LMO1: variants seen among roughly 807,000 people sequenced by gnomAD.
The protein encoded by LMO1 is LIM domain only 1, also known as rhombotin-1.
In LMO1, 10 loss-of-function variants were observed where a neutral mutation model predicts 18.0. That is an observed-to-expected ratio of 0.55 (90% CI 0.34 to 0.94). The LOEUF (loss-of-function observed/expected upper bound fraction) is 0.94, where lower values mean the gene tolerates loss of function less well. Among genes scored for constraint, LMO1 ranks in the 40% least tolerant of loss-of-function variants. The probability of loss-of-function intolerance (pLI) is 0.02; values close to 1 mark genes in which losing one functional copy is unlikely to be tolerated. For synonymous variants in LMO1, 77 were observed against 77.9 expected (o/e 0.99, Z 0.06); for missense variants, 183 against 205.7 (o/e 0.89, Z 0.68).
At chr11:8,244,690 C>T (rs973517974) in intron 1 of LMO1, among the ~76,000 whole-genome samples, 3 of 152,212 alleles carry the variant, frequency 2.0e-5, no homozygotes, top group Non-Finnish European at 2.9e-5. Flanking sequence ...TCATGTGAGC[C>T]CCCCTCTCAG....
chr11:8,244,661 C>T (rs1416546408), intron 1 of LMO1, among the ~76,000 whole-genome samples: 1 of 152,224 alleles, frequency 6.6e-6, no homozygotes, highest in East Asian at 1.9e-4. Flanking sequence ...TTTATTACCA[C>T]TCGGGCTAAC....
chr11:8,248,067 G>A (rs968610606), intron 1 of LMO1, among the ~76,000 whole-genome samples: 4 of 152,222 alleles, frequency 2.6e-5, no homozygotes, highest in African/African-American at 9.6e-5. Flanking sequence ...AAGTTAAGTG[G>A]TTTGCCCAAT....
At chr11:8,234,622 C>A (rs1222261480) in intron 1 of LMO1, among the ~76,000 whole-genome samples, 1 of 152,168 alleles carries the variant, frequency 6.6e-6, no homozygotes, top group South Asian at 2.1e-4. Context: ...CCAGGTCACT[C>A]CAGGCTCTTC....
In LMO1 at chr11:8,256,039, A is replaced by T. The variant is rs1847091724; in HGVS notation, c.25+7299T>A. ...ACGGGGTTTCACCGTGTTAGCCAGG[A>T]TGGTCTCAATCTCCTGACCTCGTGA... On this transcript the variant is annotated intron_variant, in intron 1 of 3. Transcript: ENST00000335790. Among the ~76,000 whole-genome samples the T allele has an allele frequency of 3.3e-5, 5 of 152,036 alleles. No individual in the cohort carries two copies. The South Asian group carries it at 1.0e-3, about 32-fold the overall frequency.
chr11:8,253,444 T>C (rs1590557469), intron 1 of LMO1, among the ~76,000 whole-genome samples: 1 of 152,288 alleles, frequency 6.6e-6, no homozygotes, highest in East Asian at 1.9e-4. Context: ...CTTGGAATTA[T>C]TATTAGAATT....
chr11:8,246,828 T>C (rs912624786), intron 1 of LMO1, among the ~76,000 whole-genome samples: 3 of 151,380 alleles, frequency 2.0e-5, no homozygotes, highest in Non-Finnish European at 4.4e-5. Flanking sequence ...AGCTAGAAGC[T>C]GCCAGGTGGG....
intron 1 of LMO1, among the ~76,000 whole-genome samples, chr11:8,246,253 A>G (rs1298680967): frequency 6.6e-6 from 1 of 152,362 alleles, no homozygotes; most frequent in East Asian, 1.9e-4. Flanking sequence ...CGTTCCTAGC[A>G]GCATTACTCA....
At chr11:8,234,553 AC>A (rs1209871269) in intron 1 of LMO1, among the ~76,000 whole-genome samples, 4 of 151,958 alleles carry the variant, frequency 2.6e-5, no homozygotes, top group Non-Finnish European at 4.4e-5. Context: ...GGGGATGCTT[AC>A]CCCAGTGAGC....
At chr11:8,242,505 A>G (rs2134552275) in intron 1 of LMO1, among the ~76,000 whole-genome samples, 1 of 152,284 alleles carries the variant, frequency 6.6e-6, no homozygotes, top group Admixed American at 6.5e-5. Flanking sequence ...GGAGTTTGCT[A>G]CAGAAAAGCC....
intron 1 of LMO1, among the ~76,000 whole-genome samples, chr11:8,240,138 C>T (rs1846759792): frequency 6.6e-6 from 1 of 152,210 alleles, no homozygotes; most frequent in Non-Finnish European, 1.5e-5. Flanking sequence ...CTGGACCCTA[C>T]CAAAAGAAGA....
At chr11:8,255,818 CTTTTTTTT>C (rs57425549) in intron 1 of LMO1, among the ~76,000 whole-genome samples, 1 of 86,344 alleles carries the variant, frequency 1.2e-5, no homozygotes, top group Non-Finnish European at 2.0e-5. Flanking sequence ...CAATGCCGCA[CTTTTTTTT>C]TTTTTTTTTT....
chr11:8,254,727 C>T (rs903360064), intron 1 of LMO1, among the ~76,000 whole-genome samples: 2 of 151,832 alleles, frequency 1.3e-5, no homozygotes, highest in Admixed American at 6.6e-5. Context: ...CTCACAGGTT[C>T]GTCACCCTTC....
intron 1 of LMO1, among the ~76,000 whole-genome samples, chr11:8,249,896 C>T (rs143591711): frequency 0.025 from 3,842 of 152,278 alleles, 79 homozygotes; most frequent in Admixed American, 0.034. Flanking sequence ...CAGGGGCTAG[C>T]CCTTAACATC....
chr11:8,246,053 C>T (rs997231784), intron 1 of LMO1, among the ~76,000 whole-genome samples: 2 of 152,176 alleles, frequency 1.3e-5, no homozygotes, highest in African/African-American at 4.8e-5. Flanking sequence ...AGTGCTAAGC[C>T]ATTCATGAGG....
intron 1 of LMO1, among the ~76,000 whole-genome samples, chr11:8,231,656 G>A (rs1353252939): frequency 6.6e-6 from 1 of 152,124 alleles, no homozygotes; most frequent in African/African-American, 2.4e-5. Flanking sequence ...CAGCTGGATA[G>A]GGGCCCACCC....
Position 8,228,789 on chromosome 11 carries a change from G to T in LMO1, c.239+1502C>A, listed in dbSNP as rs188356771. ...GTCCTGTGAACCCATCAGATGGTCT[G>T]CCACATCGTCCTAACCTGGTAGAGT... is the stretch of plus-strand genomic sequence containing the variant. On this transcript the variant is annotated intron_variant, in intron 2 of 3. Transcript: ENST00000335790. Among the ~76,000 whole-genome samples, 15 of 152,120 alleles carry T rather than the reference G, an allele frequency of 9.9e-5. No homozygotes were observed. In the East Asian group the frequency reaches 2.7e-3, roughly 27 times the overall value.
chr11:8,257,743 G>A (rs1331254806), intron 1 of LMO1, among the ~76,000 whole-genome samples: 1 of 152,230 alleles, frequency 6.6e-6, no homozygotes, highest in Non-Finnish European at 1.5e-5. Context: ...TTGGTGATCT[G>A]GACGTGGGCG....
intron 1 of LMO1, among the ~76,000 whole-genome samples, chr11:8,256,407 C>T (rs896327392): frequency 5.3e-5 from 8 of 152,116 alleles, no homozygotes; most frequent in Admixed American, 2.6e-4. Context: ...ATCATGCTAG[C>T]GGACTACACC....
In LMO1 at chr11:8,227,003, A is replaced by T. The variant is rs545052932; in HGVS notation, c.337T>A (p.Cys113Ser). 1 of 1,613,576 alleles carries T rather than the reference A, an allele frequency of 6.2e-7. No individual in the cohort carries two copies. The highest frequency in any genetic ancestry group is 2.2e-5 in the East Asian group (1 of 44,884). The change falls in exon 3 of 4, where the codon TGC becomes AGC. Residue 113 changes from cysteine to serine, a missense_variant. By Grantham distance (112) the Cys-to-Ser change is moderately radical (BLOSUM62 -1). Coordinates refer to ENST00000335790, the MANE Select transcript of LMO1 (RefSeq NM_002315.3). ...TGGTTGCAGAGCTGGCAGGCGAAGC[A>T]GTCGAGGTGATACACGTTGTCCCGG... is the stretch of plus-strand genomic sequence containing the variant. ...RARDNVYHLD[C>S]FACQLCNQRF...
Sources: allele counts gnomAD v4.1 joint callset (sites outside exome capture counted in the v4.1 genomes callset), GRCh38; gene constraint gnomAD v4.1.1; transcripts MANE v1.5; gene names NCBI Gene and HGNC (gene_info 2026-07-23, HGNC 2026-07-21).